Variants in POT1 observed in about 807,000 individuals in gnomAD.
The protein encoded by POT1 is protection of telomeres protein 1.
A neutral mutation model predicts 78.5 loss-of-function variants in POT1; 47 were observed. That is an observed-to-expected ratio of 0.60 (90% CI 0.47 to 0.76). The LOEUF (loss-of-function observed/expected upper bound fraction) is 0.76, where lower values mean the gene tolerates loss of function less well. POT1 is among the 30% of genes least tolerant of loss of function. The probability of loss-of-function intolerance (pLI) is 0.00; values close to 1 mark genes in which losing one functional copy is unlikely to be tolerated. For missense variants in POT1, 646 were observed against 749.9 expected, an observed-to-expected ratio of 0.86 and a Z score of 1.62; for synonymous variants, 259 against 260.7, an observed-to-expected ratio of 0.99 and a Z score of 0.06.
chr7:124,867,205 GCATCC>G (rs1795749618), intron 7 of POT1, among the ~76,000 whole-genome samples: 1 of 152,044 alleles, frequency 6.6e-6, no homozygotes, highest in African/African-American at 2.4e-5. Context: ...GTAGTCTAAC[GCATCC>G]TCATTTCATG....
intron 6 of POT1, among the ~76,000 whole-genome samples, chr7:124,883,744 A>G (rs1253300201): frequency 6.6e-6 from 1 of 151,998 alleles, no homozygotes; most frequent in Non-Finnish European, 1.5e-5. Flanking sequence ...AGGTTCTATA[A>G]CTTGTCATCA....
chr7:124,879,373 GA>G (rs1441600292), intron 6 of POT1, among the ~76,000 whole-genome samples: 1 of 151,972 alleles, frequency 6.6e-6, no homozygotes, highest in Non-Finnish European at 1.5e-5. Flanking sequence ...GGTAGCTAGG[GA>G]AAAAAATCCA....
In POT1 at chr7:124,823,223, C is replaced by T. The variant is rs1185065712; in HGVS notation, c.*739G>A. ...CGATTCTTTGCCTCATATCATTTTT[C>T]AGCTCAACTTAGGGCAAATAAATGA... is the stretch of plus-strand genomic sequence containing the variant. On this transcript the variant is annotated 3_prime_UTR_variant, in exon 19 of 19. Transcript: ENST00000357628. The T allele has an allele frequency of 6.6e-6, 1 of 152,076 alleles. No homozygotes were observed. The highest frequency in any genetic ancestry group is 1.5e-5 in the Non-Finnish European group (1 of 67,954). The allele number at this position is 152,076 out of a possible 1,614,324, so 9.4% of individuals were successfully genotyped here. A position where few individuals can be genotyped will look rare whatever the true frequency, so the allele number is the denominator to read the frequency against.
intron 5 of POT1, among the ~76,000 whole-genome samples, chr7:124,896,843 T>C (rs962276892): frequency 2.0e-5 from 3 of 151,658 alleles, no homozygotes; most frequent in African/African-American, 7.2e-5. Flanking sequence ...GAAATGAATT[T>C]GCCTATGGTT....
intron 1 of POT1, 114 bp downstream of exon 1, chr7:124,929,680 A>T (rs1212008353): frequency 6.6e-6 from 1 of 152,212 alleles, no homozygotes; most frequent in Non-Finnish European, 1.5e-5. Flanking sequence ...CTCGTAAGAA[A>T]GCGTTTCTCT....
intron 6 of POT1, among the ~76,000 whole-genome samples, chr7:124,891,581 A>C (rs1381568872): frequency 1.3e-5 from 2 of 151,464 alleles, no homozygotes; most frequent in African/African-American, 4.8e-5. Flanking sequence ...CTGTCTTGTG[A>C]CACTCAATTC....
At chr7:124,924,855 C>A (rs1465650922) in intron 2 of POT1, among the ~76,000 whole-genome samples, 4 of 151,862 alleles carry the variant, frequency 2.6e-5, no homozygotes, top group Non-Finnish European at 4.4e-5. Flanking sequence ...GAATTAAGGA[C>A]AAAAACCAGA....
intron 9 of POT1, 151 bp from the exon 10 acceptor site, chr7:124,853,289 G>T: frequency 1.7e-6 from 1 of 590,296 alleles, no homozygotes; most frequent in Non-Finnish European, 2.9e-6. Context: ...ATACGAGTGT[G>T]GTTGAATATC....
chr7:124,920,116 C>T (rs763321543), intron 2 of POT1, among the ~76,000 whole-genome samples: 5 of 152,050 alleles, frequency 3.3e-5, no homozygotes, highest in African/African-American at 4.8e-5. Flanking sequence ...GAAATAAAAA[C>T]CTATGTTCAG....
chr7:124,833,478 C>A (rs1021220799), intron 15 of POT1, among the ~76,000 whole-genome samples: 5 of 152,114 alleles, frequency 3.3e-5, no homozygotes, highest in African/African-American at 1.2e-4. Context: ...CAGAATGTGT[C>A]CAGGGTGATT....
At chr7:124,902,323 A>C (rs1347785227) in intron 3 of POT1, among the ~76,000 whole-genome samples, 1 of 152,200 alleles carries the variant, frequency 6.6e-6, no homozygotes, top group Non-Finnish European at 1.5e-5. Flanking sequence ...CTAATAGTGG[A>C]TCTCTCAGGA....
intron 5 of POT1, among the ~76,000 whole-genome samples, chr7:124,893,832 C>T (rs955556659): frequency 2.0e-5 from 3 of 151,540 alleles, no homozygotes; most frequent in African/African-American, 4.8e-5. Flanking sequence ...TTAAAGACAG[C>T]GCAGGGAGAC....
chr7:124,880,827 C>A (rs777841610), intron 6 of POT1, among the ~76,000 whole-genome samples: 3 of 151,946 alleles, frequency 2.0e-5, no homozygotes, highest in Non-Finnish European at 2.9e-5. Context: ...TACAGAGGAA[C>A]GTGACTGAGT....
In POT1 at chr7:124,929,799, C is replaced by G. The variant is rs773145760; in HGVS notation, c.-417G>C. 6.6e-6 allele frequency: 1 copy of G among 152,286 alleles called. No homozygotes were observed. Among genetic ancestry groups the G allele is most frequent in the Non-Finnish European group, 1.5e-5 (1 of 68,108 alleles). The allele number at this position is 152,286 out of a possible 1,614,324, so 9.4% of individuals were successfully genotyped here. A position where few individuals can be genotyped will look rare whatever the true frequency, so the allele number is the denominator to read the frequency against. ...ACCTTACAAATTTCACTCACCCGTACTCTAGAAAGAACCCTAGGAAGAGTT... is the reference window on the plus strand; with the variant it reads ...ACCTTACAAATTTCACTCACCCGTAGTCTAGAAAGAACCCTAGGAAGAGTT... On this transcript the variant is annotated 5_prime_UTR_variant, in exon 1 of 19. Coordinates refer to ENST00000357628, the MANE Select transcript of POT1 (RefSeq NM_015450.3).
At chr7:124,890,870 T>C (rs1265356064) in intron 6 of POT1, among the ~76,000 whole-genome samples, 3 of 151,934 alleles carry the variant, frequency 2.0e-5, no homozygotes, top group Admixed American at 6.6e-5. Flanking sequence ...TTTGATTTTA[T>C]TGAAGTCAGA....
intron 9 of POT1, among the ~76,000 whole-genome samples, chr7:124,854,857 ATG>A (rs1170882352): frequency 6.6e-6 from 1 of 151,870 alleles, no homozygotes; most frequent in Non-Finnish European, 1.5e-5. Context: ...CTTTTAAAAT[ATG>A]TGTGTGTATA....
chr7:124,858,829 CAAAG>C, intron 9 of POT1, 124 bp downstream of exon 9: 1 of 547,580 alleles, frequency 1.8e-6, no homozygotes, highest in Non-Finnish European at 2.8e-6. Context: ...ACTTAAAAAT[CAAAG>C]AAATAAATAT....
At chr7:124,917,422 CAAAA>C (rs200369045) in intron 2 of POT1, among the ~76,000 whole-genome samples, 8 of 151,982 alleles carry the variant, frequency 5.3e-5, no homozygotes, top group Middle Eastern at 3.2e-3. Context: ...ATTGAAGCAC[CAAAA>C]ACAACAACAA....
At chr7:124,885,145 T>C (rs757047958) in intron 6 of POT1, among the ~76,000 whole-genome samples, 5 of 152,058 alleles carry the variant, frequency 3.3e-5, no homozygotes, top group East Asian at 1.9e-4. Context: ...GTACGTATCA[T>C]TGATGAGTCA....
Sources: gnomAD v4.1 joint callset for allele counts (sites outside exome capture counted in the v4.1 genomes callset) on GRCh38, gnomAD v4.1.1 for gene constraint, MANE v1.5 for transcripts, NCBI Gene and HGNC (gene_info 2026-07-23, HGNC 2026-07-21) for gene names.